Variants in SOHLH2 observed in about 807,000 individuals in gnomAD.
SOHLH2 encodes the protein spermatogenesis and oogenesis specific basic helix-loop-helix 2.
In SOHLH2, 22 loss-of-function variants were observed where a neutral mutation model predicts 50.4. The observed-to-expected ratio is 0.44, with a 90% confidence interval of 0.31 to 0.62. The LOEUF is 0.62. Ranked by LOEUF, SOHLH2 falls within the 20% of genes least tolerant of loss-of-function variation. The probability of loss-of-function intolerance (pLI) is 0.08; values close to 1 mark genes in which losing one functional copy is unlikely to be tolerated. For synonymous variants in SOHLH2, 185 were observed against 187.3 expected, an observed-to-expected ratio of 0.99 and a Z score of 0.10; for missense variants, 412 against 504.4, an observed-to-expected ratio of 0.82 and a Z score of 1.76.
chr13:36,209,101 T>A (rs1007826150), intron 1 of SOHLH2, among the ~76,000 whole-genome samples: 17 of 152,192 alleles, frequency 1.1e-4, no homozygotes, highest in African/African-American at 3.6e-4. Context: ...TTCTAAGAGA[T>A]GCTGGATGTC....
chr13:36,180,669 T>C (rs902860363), intron 6 of SOHLH2, among the ~76,000 whole-genome samples: 1 of 151,470 alleles, frequency 6.6e-6, no homozygotes, highest in African/African-American at 2.4e-5. Context: ...TTTCCATATA[T>C]TTAAGACTTC....
chr13:36,212,470 C>T (rs1448139046), intron 1 of SOHLH2, among the ~76,000 whole-genome samples: 1 of 151,934 alleles, frequency 6.6e-6, no homozygotes, highest in African/African-American at 2.4e-5. Context: ...ATGTTGTTGA[C>T]AATGTAATAT....
chr13:36,206,836 C>T (rs1046592108), intron 1 of SOHLH2, among the ~76,000 whole-genome samples: 1 of 151,284 alleles, frequency 6.6e-6, no homozygotes, highest in Non-Finnish European at 1.5e-5. Context: ...GGGTTAAGTA[C>T]ATAAAGGTTC....
At chr13:36,182,293 G>A in intron 6 of SOHLH2, 1 of 985,308 alleles carries the variant, frequency 1.0e-6, no homozygotes, top group Non-Finnish European at 1.2e-6. Context: ...TGAAATTTGG[G>A]TTAAAAAGAT....
chr13:36,210,810 C>A (rs1869073326), intron 1 of SOHLH2, among the ~76,000 whole-genome samples: 2 of 152,142 alleles, frequency 1.3e-5, no homozygotes, highest in Admixed American at 1.3e-4. Context: ...AAGAACACAG[C>A]ACAACACTTT....
intron 6 of SOHLH2, among the ~76,000 whole-genome samples, chr13:36,181,732 A>G (rs1009931057): frequency 1.3e-4 from 20 of 152,110 alleles, no homozygotes; most frequent in African/African-American, 4.8e-4. Flanking sequence ...TAAAATGAAA[A>G]ATGTTTGTTT....
intron 1 of SOHLH2, among the ~76,000 whole-genome samples, chr13:36,204,997 G>A (rs1222344949): frequency 2.0e-5 from 3 of 152,090 alleles, no homozygotes; most frequent in South Asian, 2.1e-4. Context: ...TATGTCCTAC[G>A]TATTCCCAGA....
chr13:36,207,884 A>T (rs1868875470), intron 1 of SOHLH2, among the ~76,000 whole-genome samples: 1 of 152,158 alleles, frequency 6.6e-6, no homozygotes, highest in African/African-American at 2.4e-5. Flanking sequence ...CCCCCTTCTT[A>T]TGGTGTCATA....
chr13:36,196,094 AGAAAGAT>A (rs1339637280), intron 2 of SOHLH2, among the ~76,000 whole-genome samples: 7 of 122,244 alleles, frequency 5.7e-5, no homozygotes, highest in African/African-American at 1.0e-4. Context: ...TTAGACAGAC[AGAAAGAT>A]AGATAGATAG....
At chr13:36,212,230 C>A (rs1566049222) in intron 1 of SOHLH2, among the ~76,000 whole-genome samples, 1 of 152,182 alleles carries the variant, frequency 6.6e-6, no homozygotes, top group Non-Finnish European at 1.5e-5. Context: ...TGCATAGCAT[C>A]TTGCACCATG....
At chr13:36,169,366 C>T (rs564597638) in intron 10 of SOHLH2, among the ~76,000 whole-genome samples, 2 of 152,158 alleles carry the variant, frequency 1.3e-5, no homozygotes, top group Non-Finnish European at 2.9e-5. Flanking sequence ...AGCAACATTA[C>T]GATATCTGTA....
chr13:36,169,002 TG>T lies in SOHLH2; in HGVS notation c.*31del, dbSNP rs1265117649. 1 of 1,601,630 alleles carries T rather than the reference TG, an allele frequency of 6.2e-7. No homozygotes were observed. Among genetic ancestry groups the T allele is most frequent in the Non-Finnish European group, 8.5e-7 (1 of 1,176,188 alleles). ...AGATTGTCAAACTGCGCCCAGTAGG[TG>T]GTTGAGAGTGTGAATTTCAAACATG... On this transcript the variant is annotated 3_prime_UTR_variant, in exon 11 of 11. Coordinates refer to ENST00000379881, the MANE Select transcript of SOHLH2 (RefSeq NM_017826.3).
Position 36,214,491 on chromosome 13 carries a change from C to G in SOHLH2, c.36G>C (p.Gln12His), listed in dbSNP as rs1476702704. The G allele has an allele frequency of 2.5e-6, 4 of 1,613,020 alleles. No individual in the cohort carries two copies. The highest frequency in any genetic ancestry group is 1.7e-6 in the Non-Finnish European group (2 of 1,179,562). The change falls in exon 1 of 11, where the codon CAG (glutamine) becomes CAC (histidine). Residue 12 changes from glutamine (Q) to histidine (H), a missense_variant. Transcript: ENST00000379881. ...CACAGCCTCTTACCTGGCCCGAGATCTGGCAGTGCTCCTGGCAGATAATTG... is the reference window on the plus strand; with the variant it reads ...CACAGCCTCTTACCTGGCCCGAGATGTGGCAGTGCTCCTGGCAGATAATTG... ...ASSIICQEHC[Q>H]ISGQAKIDIL...
At chr13:36,185,656 C>A (rs924140092) in intron 6 of SOHLH2, among the ~76,000 whole-genome samples, 4 of 151,898 alleles carry the variant, frequency 2.6e-5, no homozygotes, top group African/African-American at 2.4e-5. Flanking sequence ...GCAGAAAACA[C>A]AATTTATCAA....
At position 36,191,725 on chromosome 13, in the gene SOHLH2, T is replaced by C. The variant is rs533326186; in HGVS notation, c.530+70A>G. On this transcript the variant is annotated intron_variant, in intron 5 of 10. Transcript: ENST00000379881. ...AGTACAGCAAATGCTGCACCCCTCT[T>C]CCACAAAATAGCCACAATCAATAAG... is the stretch of plus-strand genomic sequence containing the variant. The C allele has an allele frequency of 1.9e-6, 3 of 1,591,840 alleles. No individual in the cohort carries two copies. In the Admixed American group the frequency reaches 5.1e-5, roughly 27 times the overall value.
chr13:36,199,715 A>T (rs1412132878), intron 2 of SOHLH2, among the ~76,000 whole-genome samples: 3 of 152,220 alleles, frequency 2.0e-5, no homozygotes, highest in Admixed American at 6.5e-5. Context: ...CAGACAAGAA[A>T]TTCTCTCCTC....
intron 2 of SOHLH2, among the ~76,000 whole-genome samples, chr13:36,199,311 TCA>T (rs3838357): frequency 0.59 from 87,878 of 149,056 alleles, 25,729 homozygotes; most frequent in East Asian, 0.69. Context: ...TTACACACCC[TCA>T]CACACACACA....
At chr13:36,196,056 T>C (rs1249913658) in intron 2 of SOHLH2, among the ~76,000 whole-genome samples, 1 of 151,402 alleles carries the variant, frequency 6.6e-6, no homozygotes, top group East Asian at 1.9e-4. Context: ...CAGCATTTCA[T>C]ATATATATGA....
Position 36,184,459 on chromosome 13 carries a change from C to CTTTTTTTTTTTTTT in SOHLH2, c.641+5486_641+5487insAAAAAAAAAAAAAA, listed in dbSNP as rs764218457. Among the ~76,000 whole-genome samples, 20 of 81,668 alleles carry CTTTTTTTTTTTTTT rather than the reference C, an allele frequency of 2.4e-4. 3 individuals carry two copies. Among genetic ancestry groups the CTTTTTTTTTTTTTT allele is most frequent in the African/African-American group, 7.3e-4 (15 of 20,414 alleles). The allele number at this position is 81,668 out of a possible 152,430, so 53.6% of individuals were successfully genotyped here. On this transcript the variant is annotated intron_variant, in intron 6 of 10. Transcript: ENST00000379881. ...TGATGGAAGTTTCTACCTACAAAGA[C>CTTTTTTTTTTTTTT]CTTTTTTTTTTTTTTTTTTTGAGAC...
Sources: allele counts gnomAD v4.1 joint callset (sites outside exome capture counted in the v4.1 genomes callset), GRCh38; gene constraint gnomAD v4.1.1; transcripts MANE v1.5; gene names NCBI Gene and HGNC (gene_info 2026-07-23, HGNC 2026-07-21).